The following CSMD3 variants were observed in gnomAD, a reference collection of about 807,000 sequenced individuals.
The protein encoded by CSMD3 is CUB and Sushi multiple domains 3, also known as CUB and sushi domain-containing protein 3.
A neutral mutation model predicts 435.2 loss-of-function variants in CSMD3; 177 were observed. The observed-to-expected ratio is 0.41, with a 90% CI of 0.36 to 0.46. The LOEUF is 0.46. Ranked by LOEUF, CSMD3 falls within the 20% of genes least tolerant of loss-of-function variation. The pLI is 0.34. For synonymous variants in CSMD3, 1,656 were observed against 1,520.5 expected (o/e 1.09, Z -2.07); for missense variants, 4,265 against 4,504.6 (o/e 0.95, Z 1.52).
At chr8:113,259,535 A>C (rs947327545) in intron 3 of CSMD3, among the ~76,000 whole-genome samples, 9 of 152,146 alleles carry the variant, frequency 5.9e-5, no homozygotes, top group Admixed American at 5.9e-4. Flanking sequence ...ATTATTTTAG[A>C]GACTGGTGTA....
At chr8:112,250,952 G>C (rs1353169454) in intron 63 of CSMD3, among the ~76,000 whole-genome samples, 3 of 151,480 alleles carry the variant, frequency 2.0e-5, no homozygotes, top group Non-Finnish European at 4.4e-5. Flanking sequence ...TTATATCTTA[G>C]TTCCTAAATC....
intron 13 of CSMD3, among the ~76,000 whole-genome samples, chr8:112,712,667 C>A (rs186422066): frequency 6.6e-6 from 1 of 151,960 alleles, no homozygotes; most frequent in Admixed American, 6.6e-5. Context: ...GACATTTGTG[C>A]CTTGTAGTCT....
At chr8:113,399,030 T>C (rs2094496638) in intron 1 of CSMD3, among the ~76,000 whole-genome samples, 1 of 144,334 alleles carries the variant, frequency 6.9e-6, no homozygotes. Flanking sequence ...TTTTGCATCA[T>C]TAGTAATTAG....
rs992223445 is a variant in CSMD3 at position 112,297,968 on chromosome 8, G to T, written c.8441-1962C>A. On this transcript the variant is annotated intron_variant, in intron 53 of 70. Transcript: ENST00000297405. ...AGACCCTATCTAAAAAATAAAAAAA[G>T]AACAATTTTACTTTTTACTTACAAT... Among the ~76,000 whole-genome samples the T allele has an allele frequency of 3.8e-5, 5 of 132,676 alleles. No homozygotes were observed. The Admixed American group carries it at 4.2e-4, about 11-fold the overall frequency. The allele number at this position is 132,676 out of a possible 152,430, so 87.0% of individuals were successfully genotyped here. A position where few individuals can be genotyped will look rare whatever the true frequency, so the allele number is the denominator to read the frequency against.
intron 32 of CSMD3, among the ~76,000 whole-genome samples, chr8:112,441,048 T>C (rs904512335): frequency 6.6e-6 from 1 of 152,170 alleles, no homozygotes; most frequent in Non-Finnish European, 1.5e-5. Context: ...AATGACTTTT[T>C]CTTTTTACTT....
At chr8:112,309,246 C>A (rs1446603851) in intron 50 of CSMD3, among the ~76,000 whole-genome samples, 1 of 151,622 alleles carries the variant, frequency 6.6e-6, no homozygotes, top group Non-Finnish European at 1.5e-5. Context: ...AGAAAGCATG[C>A]GGTATTTTTA....
intron 2 of CSMD3, among the ~76,000 whole-genome samples, chr8:113,305,373 T>A (rs1256513215): frequency 6.6e-6 from 1 of 152,202 alleles, no homozygotes; most frequent in Admixed American, 6.6e-5. Context: ...TACTAAATAT[T>A]TTATTAAATA....
intron 31 of CSMD3, among the ~76,000 whole-genome samples, chr8:112,483,027 T>G (rs368276703): frequency 1.6e-4 from 25 of 152,210 alleles, no homozygotes; most frequent in Admixed American, 1.5e-3. Flanking sequence ...CCTGTTTTTA[T>G]AATAGGTTTC....
chr8:112,734,532 G>A (rs10097818), intron 13 of CSMD3, among the ~76,000 whole-genome samples: 2 of 151,802 alleles, frequency 1.3e-5, no homozygotes, highest in South Asian at 4.1e-4. Context: ...TGAGACTTTT[G>A]TCTCAGAGAA....
intron 30 of CSMD3, among the ~76,000 whole-genome samples, chr8:112,494,975 T>A (rs1265980416): frequency 6.6e-6 from 1 of 152,070 alleles, no homozygotes; most frequent in Non-Finnish European, 1.5e-5. Flanking sequence ...ACTCCATATA[T>A]TATACTCAAG....
chr8:113,192,043 T>A (rs1260102361), intron 3 of CSMD3, among the ~76,000 whole-genome samples: 7 of 151,964 alleles, frequency 4.6e-5, no homozygotes, highest in Non-Finnish European at 1.5e-5. Context: ...CACTTCTCTA[T>A]CTTCTTTTGA....
intron 22 of CSMD3, among the ~76,000 whole-genome samples, chr8:112,635,871 A>G (rs1275546838): frequency 6.6e-6 from 1 of 152,130 alleles, no homozygotes; most frequent in Admixed American, 6.6e-5. Context: ...AGGGGCTTAA[A>G]CCACATTTCA....
intron 3 of CSMD3, among the ~76,000 whole-genome samples, chr8:113,221,007 G>A (rs559076256): frequency 6.6e-6 from 1 of 151,306 alleles, no homozygotes; most frequent in South Asian, 2.1e-4. Flanking sequence ...AGAGAAGTAT[G>A]TTCTTCAGAA....
chr8:112,718,515 GTA>G (rs35810260), intron 13 of CSMD3, among the ~76,000 whole-genome samples: 7,378 of 139,796 alleles, frequency 0.053, 322 homozygotes, highest in African/African-American at 0.12. Context: ...GTATATATAT[GTA>G]TATATATATA....
chr8:112,685,371 T>C lies in CSMD3; in HGVS notation c.2482+35A>G, dbSNP rs548023337. ...TTTTCAACTCAAATTTATAGAAATATATTATATGGGAAAAAAACAGAAACA... is the reference window on the plus strand; with the variant it reads ...TTTTCAACTCAAATTTATAGAAATACATTATATGGGAAAAAAACAGAAACA... On this transcript the variant is annotated intron_variant, in intron 15 of 70. Transcript: ENST00000297405. 1.4e-5 allele frequency: 21 copies of C among 1,540,306 alleles called. No homozygotes were observed. In the South Asian group the frequency reaches 2.1e-4, roughly 16 times the overall value.
chr8:112,805,643 C>T (rs1171601463), intron 12 of CSMD3, among the ~76,000 whole-genome samples: 3 of 152,160 alleles, frequency 2.0e-5, no homozygotes, highest in Non-Finnish European at 4.4e-5. Flanking sequence ...TAGTTTCTAA[C>T]ATCAGAAACT....
In CSMD3 at chr8:113,090,981, A is replaced by C. The variant is rs115087090; in HGVS notation, c.917+7775T>G. 9.9e-3 allele frequency among the ~76,000 whole-genome samples: 1,512 copies of C among 152,202 alleles called. 36 individuals are homozygous for C. Among genetic ancestry groups the C allele is most frequent in the African/African-American group, 0.035 (1,438 of 41,548 alleles). On this transcript the variant is annotated intron_variant, in intron 5 of 70. Coordinates refer to ENST00000297405, the MANE Select transcript of CSMD3 (RefSeq NM_198123.2). ...AGAAATTAGAAACTATTAGAAAAAA[A>C]TACATAGAGAGAGTTCAATTTCTGG...
At chr8:112,344,220 C>T (rs1825459548) in intron 41 of CSMD3, among the ~76,000 whole-genome samples, 1 of 152,214 alleles carries the variant, frequency 6.6e-6, no homozygotes, top group South Asian at 2.1e-4. Flanking sequence ...AAGCATCACT[C>T]CCTCTGTCAA....
At chr8:113,325,821 C>A (rs895243713) in intron 1 of CSMD3, among the ~76,000 whole-genome samples, 2 of 152,106 alleles carry the variant, frequency 1.3e-5, no homozygotes, top group Admixed American at 1.3e-4. Context: ...CAATGTAGAT[C>A]TTAGCCTCAG....
Sources: gnomAD v4.1 joint callset for allele counts (sites outside exome capture counted in the v4.1 genomes callset) on GRCh38, gnomAD v4.1.1 for gene constraint, MANE v1.5 for transcripts, NCBI Gene and HGNC (gene_info 2026-07-23, HGNC 2026-07-21) for gene names.